Variants in PLXDC2 observed in about 807,000 individuals in gnomAD.
The protein encoded by PLXDC2 is plexin domain-containing protein 2.
A neutral mutation model predicts 68.9 loss-of-function variants in PLXDC2; 40 were observed. That is an observed-to-expected ratio of 0.58 (90% CI 0.45 to 0.76). The LOEUF is 0.76. Among genes scored for constraint, PLXDC2 ranks in the 30% least tolerant of loss-of-function variants. PLXDC2 has a pLI of 0.00. For synonymous variants in PLXDC2, 243 were observed against 234.2 expected (o/e 1.04, Z -0.34); for missense variants, 644 against 661.9 (o/e 0.97, Z 0.30).
intron 1 of PLXDC2, among the ~76,000 whole-genome samples, chr10:19,862,992 C>A (rs925719275): frequency 3.3e-5 from 5 of 152,128 alleles, no homozygotes; most frequent in African/African-American, 1.2e-4. Flanking sequence ...CTTTTATCAA[C>A]CCTGTTCTGG....
chr10:20,082,060 AAAT>A (rs1300070128), intron 4 of PLXDC2, among the ~76,000 whole-genome samples: 2 of 135,494 alleles, frequency 1.5e-5, no homozygotes, highest in East Asian at 2.1e-4. Flanking sequence ...AAAAAAAAAA[AAAT>A]CAAAAAAAAA....
At chr10:19,839,923 C>T (rs1204396242) in intron 1 of PLXDC2, among the ~76,000 whole-genome samples, 3 of 152,134 alleles carry the variant, frequency 2.0e-5, no homozygotes, top group African/African-American at 4.8e-5. Context: ...TTCAAACAAT[C>T]TAAAATTTCA....
chr10:20,228,211 G>A (rs965020248), intron 12 of PLXDC2, among the ~76,000 whole-genome samples: 15 of 152,144 alleles, frequency 9.9e-5, no homozygotes, highest in Non-Finnish European at 1.3e-4. Context: ...CATCAGCAGC[G>A]TATAAATGAC....
chr10:20,020,158 C>G (rs1358286434), intron 2 of PLXDC2, among the ~76,000 whole-genome samples: 1 of 148,672 alleles, frequency 6.7e-6, no homozygotes, highest in Non-Finnish European at 1.5e-5. Flanking sequence ...GCTACAAACA[C>G]ATGCCACCAC....
intron 4 of PLXDC2, among the ~76,000 whole-genome samples, chr10:20,083,502 G>A (rs921523812): frequency 2.0e-5 from 3 of 149,676 alleles, no homozygotes. Context: ...AAATTACTAT[G>A]TGCATGTATT....
intron 6 of PLXDC2, among the ~76,000 whole-genome samples, chr10:20,160,727 ATAAAC>A (rs1407515040): frequency 6.6e-6 from 1 of 152,192 alleles, no homozygotes; most frequent in Non-Finnish European, 1.5e-5. Context: ...AGACAAAAGA[ATAAAC>A]TAAAGAGACA....
intron 1 of PLXDC2, among the ~76,000 whole-genome samples, chr10:19,844,890 G>A (rs1836976882): frequency 6.6e-6 from 1 of 152,166 alleles, no homozygotes; most frequent in South Asian, 2.1e-4. Flanking sequence ...CAATACACCT[G>A]TCCAAAAATG....
intron 1 of PLXDC2, among the ~76,000 whole-genome samples, chr10:19,819,215 T>C (rs1339828916): frequency 1.3e-5 from 2 of 152,240 alleles, no homozygotes; most frequent in African/African-American, 2.4e-5. Context: ...TTTAAGCTAG[T>C]TGAATATTTC....
chr10:20,204,813 C>A (rs559562359), intron 9 of PLXDC2, among the ~76,000 whole-genome samples: 32 of 152,112 alleles, frequency 2.1e-4, no homozygotes, highest in Non-Finnish European at 4.3e-4. Flanking sequence ...GCCCTCAAAT[C>A]CTACAATATT....
chr10:20,056,183 T>G (rs1835995069), intron 3 of PLXDC2, among the ~76,000 whole-genome samples: 1 of 152,224 alleles, frequency 6.6e-6, no homozygotes, highest in African/African-American at 2.4e-5. Context: ...TTATAGTTAC[T>G]TATGTAGTTT....
intron 4 of PLXDC2, among the ~76,000 whole-genome samples, chr10:20,096,093 C>T (rs1371015039): frequency 6.6e-6 from 1 of 152,002 alleles, no homozygotes; most frequent in East Asian, 1.9e-4. Context: ...ACGAGTGTTC[C>T]CTGGAATACT....
At chr10:20,113,894 G>T (rs1408706962) in intron 4 of PLXDC2, among the ~76,000 whole-genome samples, 3 of 152,130 alleles carry the variant, frequency 2.0e-5, no homozygotes, top group Admixed American at 1.3e-4. Context: ...GGGAGGCTGA[G>T]GTGGGTGGAT....
chr10:20,106,348 G>A (rs1387414207), intron 4 of PLXDC2, among the ~76,000 whole-genome samples: 3 of 151,944 alleles, frequency 2.0e-5, no homozygotes, highest in Admixed American at 6.6e-5. Context: ...GCTGTGTTAG[G>A]GTCTTTGTCT....
At chr10:19,901,076 T>C (rs1445960494) in intron 1 of PLXDC2, among the ~76,000 whole-genome samples, 1 of 151,868 alleles carries the variant, frequency 6.6e-6, no homozygotes, top group African/African-American at 2.4e-5. Context: ...TACTCATTAA[T>C]TGATGGACAT....
chr10:20,077,672 A>G (rs1401321904), intron 4 of PLXDC2, among the ~76,000 whole-genome samples: 1 of 152,238 alleles, frequency 6.6e-6, no homozygotes, highest in Non-Finnish European at 1.5e-5. Flanking sequence ...AAAAATAAGC[A>G]CAATTTCGTT....
At chr10:19,829,258 C>T (rs1007728329) in intron 1 of PLXDC2, among the ~76,000 whole-genome samples, 2 of 145,316 alleles carry the variant, frequency 1.4e-5, no homozygotes, top group Non-Finnish European at 3.0e-5. Flanking sequence ...TTACTTGTGC[C>T]TGCATTTGAC....
intron 2 of PLXDC2, among the ~76,000 whole-genome samples, chr10:20,027,430 T>C (rs1318934478): frequency 6.6e-6 from 1 of 152,178 alleles, no homozygotes; most frequent in Admixed American, 6.5e-5. Context: ...CCTTCTACTA[T>C]GTGAGGATGC....
chr10:20,009,042 T>C (rs1251459981), intron 2 of PLXDC2, among the ~76,000 whole-genome samples: 1 of 152,226 alleles, frequency 6.6e-6, no homozygotes, highest in African/African-American at 2.4e-5. Flanking sequence ...GGATTATCCA[T>C]AGATGTGGAA....
At chr10:20,086,675 G>T (rs1483870561) in intron 4 of PLXDC2, among the ~76,000 whole-genome samples, 3 of 152,120 alleles carry the variant, frequency 2.0e-5, no homozygotes, top group Non-Finnish European at 4.4e-5. Flanking sequence ...ACATAGAAGA[G>T]AAGGTTTTCT....
Sources: allele counts gnomAD v4.1 joint callset (sites outside exome capture counted in the v4.1 genomes callset), GRCh38; gene constraint gnomAD v4.1.1; transcripts MANE v1.5; gene names NCBI Gene and HGNC (gene_info 2026-07-23, HGNC 2026-07-21).